ATXN1: variants seen among roughly 807,000 people sequenced by gnomAD.
ATXN1 encodes ataxin 1.
ATXN1 carries 8 observed loss-of-function variants against 56.4 expected under a neutral mutation model. The observed-to-expected ratio is 0.14, with a 90% CI of 0.08 to 0.26. The LOEUF is 0.26. Ranked by LOEUF, ATXN1 falls within the 10% of genes least tolerant of loss-of-function variation. The pLI is 1.00. For missense variants in ATXN1, 987 were observed against 1,106.5 expected (o/e 0.89, Z 1.53); for synonymous variants, 514 against 494.6 (o/e 1.04, Z -0.52).
At chr6:16,349,991 C>T (rs1197952288) in intron 6 of ATXN1, among the ~76,000 whole-genome samples, 2 of 152,044 alleles carry the variant, frequency 1.3e-5, no homozygotes, top group Non-Finnish European at 2.9e-5. Context: ...AATACCATGC[C>T]CTAACTAGAA....
At chr6:16,454,751 T>G (rs1759831465) in intron 6 of ATXN1, among the ~76,000 whole-genome samples, 1 of 152,106 alleles carries the variant, frequency 6.6e-6, no homozygotes, top group South Asian at 2.1e-4. Flanking sequence ...TAAACAGCCA[T>G]CAGAAACATT....
At chr6:16,309,811 A>G (rs1342583186) in intron 7 of ATXN1, among the ~76,000 whole-genome samples, 3 of 152,146 alleles carry the variant, frequency 2.0e-5, no homozygotes, top group Non-Finnish European at 4.4e-5. Context: ...AGGTGGGTGG[A>G]TTACCTGAGG....
chr6:16,526,502 C>T lies in ATXN1; in HGVS notation c.-360-3814G>A, dbSNP rs368901934. ...GTAGGTGGCCGGACGCGGTGGCTCACGCCTGTAATCCCAGCACTTTGGGAG... is the reference window on the plus strand; with the variant it reads ...GTAGGTGGCCGGACGCGGTGGCTCATGCCTGTAATCCCAGCACTTTGGGAG... On this transcript the variant is annotated intron_variant, in intron 4 of 7. Coordinates refer to ENST00000436367, the MANE Select transcript of ATXN1 (RefSeq NM_001128164.2). 4.6e-5 allele frequency among the ~76,000 whole-genome samples: 7 copies of T among 152,162 alleles called. No homozygotes were observed. The East Asian group carries it at 5.8e-4, about 13-fold the overall frequency.
intron 3 of ATXN1, among the ~76,000 whole-genome samples, chr6:16,633,269 A>G (rs896561814): frequency 1.3e-5 from 2 of 152,212 alleles, no homozygotes; most frequent in Non-Finnish European, 2.9e-5. Flanking sequence ...AAATCTTTTC[A>G]AAACAAGGAA....
chr6:16,390,898 C>A (rs557661141), intron 6 of ATXN1, among the ~76,000 whole-genome samples: 2 of 152,030 alleles, frequency 1.3e-5, no homozygotes, highest in Non-Finnish European at 2.9e-5. Flanking sequence ...TGGTGGCTCA[C>A]GCCTGTAATC....
At position 16,301,086 on chromosome 6, in the gene ATXN1, T is replaced by TA. The variant is rs1760082452; in HGVS notation, c.*5242_*5243insT. ...CATGTAACTTTCAACCCTTCTCTGC[T>TA]TTTTTTTTTTTACAAACAAAGTATG... On this transcript the variant is annotated 3_prime_UTR_variant, in exon 8 of 8. Transcript: ENST00000436367. 2.6e-5 allele frequency: 1 copy of TA among 38,922 alleles called. No individual in the cohort carries two copies. The highest frequency in any genetic ancestry group is 2.4e-4 in the African/African-American group (1 of 4,234). 2.4% of individuals were successfully genotyped at this position (38,922 alleles called of 1,614,324 possible).
At chr6:16,356,670 T>G (rs1375301115) in intron 6 of ATXN1, among the ~76,000 whole-genome samples, 1 of 152,152 alleles carries the variant, frequency 6.6e-6, no homozygotes, top group African/African-American at 2.4e-5. Context: ...GAAAGCCGTT[T>G]GAAATTCTTT....
chr6:16,372,042 A>G (rs1253948803), intron 6 of ATXN1, among the ~76,000 whole-genome samples: 1 of 152,254 alleles, frequency 6.6e-6, no homozygotes. Flanking sequence ...AGTTACATGT[A>G]TGTGATATTG....
At chr6:16,543,478 ACT>A (rs1251143338) in intron 4 of ATXN1, among the ~76,000 whole-genome samples, 1 of 152,026 alleles carries the variant, frequency 6.6e-6, no homozygotes, top group Non-Finnish European at 1.5e-5. Flanking sequence ...GGCACATAAG[ACT>A]CTTACAGGAA....
chr6:16,633,584 C>T (rs1763542923), intron 3 of ATXN1, among the ~76,000 whole-genome samples: 1 of 152,166 alleles, frequency 6.6e-6, no homozygotes, highest in South Asian at 2.1e-4. Context: ...TGCCAACAGA[C>T]ACCGCCACCT....
chr6:16,611,923 C>G (rs6925658), intron 3 of ATXN1, among the ~76,000 whole-genome samples: 8,157 of 137,490 alleles, frequency 0.059, 758 homozygotes, highest in African/African-American at 0.2. Flanking sequence ...GCAGTGGCTC[C>G]ATCTCGGCTC....
At chr6:16,417,717 C>T (rs1581748419) in intron 6 of ATXN1, among the ~76,000 whole-genome samples, 1 of 152,072 alleles carries the variant, frequency 6.6e-6, no homozygotes, top group African/African-American at 2.4e-5. Flanking sequence ...GGACTATAGG[C>T]GTGAGCCACC....
At chr6:16,746,023 G>C (rs951009920) in intron 2 of ATXN1, among the ~76,000 whole-genome samples, 2 of 151,768 alleles carry the variant, frequency 1.3e-5, no homozygotes. Flanking sequence ...TCTAGAGAGT[G>C]AGTGCACATT....
chr6:16,489,252 A>G (rs1443693156), intron 5 of ATXN1, among the ~76,000 whole-genome samples: 1 of 152,154 alleles, frequency 6.6e-6, no homozygotes, highest in Non-Finnish European at 1.5e-5. Flanking sequence ...TAAATGATCC[A>G]TATCCAAAAC....
At chr6:16,315,632 TATTTAAAATAACA>T (rs1760491202) in intron 7 of ATXN1, among the ~76,000 whole-genome samples, 3 of 152,206 alleles carry the variant, frequency 2.0e-5, no homozygotes, top group Admixed American at 2.0e-4. Flanking sequence ...CTGACAGTTC[TATTTAAAATAACA>T]ACCCTCTAGT....
Position 16,347,067 on chromosome 6 carries a change from G to C in ATXN1, c.-160-18597C>G, listed in dbSNP as rs1313390253. Among the ~76,000 whole-genome samples the C allele has an allele frequency of 4.6e-5, 7 of 152,366 alleles. No homozygotes were observed. The East Asian group carries it at 1.4e-3, about 29-fold the overall frequency. On this transcript the variant is annotated intron_variant, in intron 6 of 7. Transcript: ENST00000436367. ...CTCAATTTCTCGCCAGGCCTTAGCT[G>C]CCTTCTGGCGGGCAGGGCTCGGGAC...
chr6:16,682,104 A>G (rs1256042321), intron 2 of ATXN1, among the ~76,000 whole-genome samples: 2 of 152,096 alleles, frequency 1.3e-5, no homozygotes, highest in East Asian at 3.8e-4. Context: ...GGTCCAACAT[A>G]AGGAATTTCC....
chr6:16,656,909 C>A (rs1422027685), intron 3 of ATXN1, among the ~76,000 whole-genome samples: 1 of 150,856 alleles, frequency 6.6e-6, no homozygotes, highest in African/African-American at 2.4e-5. Flanking sequence ...AACTGTAACA[C>A]AATGGTAGGC....
intron 4 of ATXN1, among the ~76,000 whole-genome samples, chr6:16,579,765 A>G (rs1245231565): frequency 6.6e-6 from 1 of 152,072 alleles, no homozygotes; most frequent in African/African-American, 2.4e-5. Flanking sequence ...ATGTTTATTG[A>G]GCATTGACTA....
Sources: allele counts gnomAD v4.1 joint callset (sites outside exome capture counted in the v4.1 genomes callset), GRCh38; gene constraint gnomAD v4.1.1; transcripts MANE v1.5; gene names NCBI Gene and HGNC (gene_info 2026-07-23, HGNC 2026-07-21).